BIRC6: variants seen among roughly 807,000 people sequenced by gnomAD.
BIRC6 encodes dual E2 ubiquitin-conjugating enzyme/E3 ubiquitin-protein ligase BIRC6.
BIRC6 carries 98 observed loss-of-function variants against 503.3 expected under a neutral mutation model. The ratio of observed to expected loss-of-function variants is 0.19; its 90% CI spans 0.17 to 0.23. The LOEUF (loss-of-function observed/expected upper bound fraction) is 0.23. BIRC6 is among the 10% of genes least tolerant of loss of function. The pLI, the probability that BIRC6 is intolerant of heterozygous loss-of-function variation, is 1.00. For synonymous variants in BIRC6, 2,240 were observed against 2,078.7 expected (o/e 1.08, Z -2.11); for missense variants, 5,360 against 5,806.0 (o/e 0.92, Z 2.50).
At chr2:32,566,821 A>C (rs759369156) in intron 65 of BIRC6, among the ~76,000 whole-genome samples, 25 of 152,194 alleles carry the variant, frequency 1.6e-4, no homozygotes, top group Non-Finnish European at 8.8e-5. Flanking sequence ...TCTATTTTAC[A>C]GTTGATTGTT....
chr2:32,390,646 A>G (rs566016868), intron 4 of BIRC6, among the ~76,000 whole-genome samples: 1 of 152,278 alleles, frequency 6.6e-6, no homozygotes, highest in Non-Finnish European at 1.5e-5. Context: ...TTTTCATTGG[A>G]TGTGACTTGT....
At chr2:32,560,867 CT>C (rs879409444) in intron 65 of BIRC6, among the ~76,000 whole-genome samples, 147 of 145,522 alleles carry the variant, frequency 1.0e-3, no homozygotes, top group Non-Finnish European at 1.6e-3. Flanking sequence ...CTGTGCCCGA[CT>C]TTTTTTTTTT....
intron 72 of BIRC6, 27 bp downstream of exon 72, chr2:32,607,670 CT>C: frequency 6.4e-7 from 1 of 1,563,252 alleles, no homozygotes; most frequent in Non-Finnish European, 8.7e-7. Flanking sequence ...TAGTGAAATA[CT>C]TTGTTAAAGA....
chr2:32,449,087 T>C (rs2046394715), intron 22 of BIRC6, 159 bp downstream of exon 22: 1 of 609,140 alleles, frequency 1.6e-6, no homozygotes, highest in East Asian at 3.1e-5. Flanking sequence ...TAGAAGTTCT[T>C]AACTTCCTCT....
chr2:32,415,191 A>C lies in BIRC6; in HGVS notation c.1900A>C (p.Ser634Arg). The change falls in exon 10 of 74, where the codon AGC becomes CGC. Residue 634 changes from serine to arginine, a missense_variant. Physicochemically the swap from Ser to Arg is moderately radical, Grantham distance 110. Coordinates refer to ENST00000421745, the MANE Select transcript of BIRC6 (RefSeq NM_016252.4). ...GACTTTACCGGTTTTGCTTCTTTAT[A>C]GCATCAAGGAATCTGATGAGAAAGC... is the stretch of plus-strand genomic sequence containing the variant. ...RRTLPVLLLYSIKESDEKAGK... is the reference protein window; with the variant it reads ...RRTLPVLLLYRIKESDEKAGK... The C allele has an allele frequency of 6.2e-7, 1 of 1,614,002 alleles. No homozygotes were observed. The highest frequency in any genetic ancestry group is 1.3e-5 in the African/African-American group (1 of 75,056).
chr2:32,500,682 T>C (rs542151547), intron 46 of BIRC6, among the ~76,000 whole-genome samples: 1 of 148,908 alleles, frequency 6.7e-6, no homozygotes, highest in East Asian at 2.0e-4. Context: ...CTCGGTTCAT[T>C]GCAACCTCCG....
intron 23 of BIRC6, among the ~76,000 whole-genome samples, chr2:32,455,369 ACT>A (rs1472137962): frequency 7.7e-6 from 1 of 129,394 alleles, no homozygotes; most frequent in Non-Finnish European, 1.6e-5. Context: ...AAACAGCAAG[ACT>A]CTGTCTCCAA....
intron 1 of BIRC6, among the ~76,000 whole-genome samples, chr2:32,375,728 A>G (rs1289268891): frequency 7.2e-6 from 1 of 138,856 alleles, no homozygotes; most frequent in Admixed American, 7.5e-5. Flanking sequence ...CCGTAAATGT[A>G]TTTTCTTTCT....
In BIRC6 at chr2:32,441,248, T is replaced by C. The variant is rs1574229571; in HGVS notation, c.3811-81T>C. The C allele has an allele frequency of 3.8e-6, 4 of 1,051,594 alleles. No homozygotes were observed. In the East Asian group the frequency reaches 7.9e-5, roughly 21 times the overall value. 65.1% of individuals were successfully genotyped at this position (1,051,594 alleles called of 1,614,324 possible). On this transcript the variant is annotated intron_variant, in intron 16 of 73. Transcript: ENST00000421745. ...TTTGATGGCCACAATTCAGTTATTT[T>C]CCTTTATTTTATAACTTCAATGGTA...
intron 3 of BIRC6, among the ~76,000 whole-genome samples, chr2:32,383,894 G>A (rs762964521): frequency 1.1e-3 from 174 of 152,134 alleles, no homozygotes; most frequent in Admixed American, 2.5e-3. Flanking sequence ...AAGTACTAAG[G>A]GGCATCCTAG....
chr2:32,413,800 A>G (rs1574039506), intron 9 of BIRC6, among the ~76,000 whole-genome samples: 1 of 151,996 alleles, frequency 6.6e-6, no homozygotes, highest in Non-Finnish European at 1.5e-5. Context: ...AGTCCCTTGT[A>G]TAAAATGGTA....
At chr2:32,368,839 A>G (rs985154644) in intron 1 of BIRC6, among the ~76,000 whole-genome samples, 3 of 152,080 alleles carry the variant, frequency 2.0e-5, no homozygotes, top group African/African-American at 7.2e-5. Flanking sequence ...TTTAATAGAG[A>G]CAAGGTTTCA....
At chr2:32,513,364 T>C (rs2054633789) in intron 54 of BIRC6, among the ~76,000 whole-genome samples, 1 of 152,252 alleles carries the variant, frequency 6.6e-6, no homozygotes, top group African/African-American at 2.4e-5. Context: ...GCCTTCTTTT[T>C]TTTAACCTAA....
intron 65 of BIRC6, among the ~76,000 whole-genome samples, chr2:32,568,550 G>GT (rs2059695004): frequency 6.7e-6 from 1 of 149,374 alleles, no homozygotes; most frequent in African/African-American, 2.5e-5. Context: ...TTTTTTAGAA[G>GT]TTCACCTTTT....
At chr2:32,594,938 C>T in intron 67 of BIRC6, 96 bp from the exon 68 acceptor site, 2 of 739,098 alleles carry the variant, frequency 2.7e-6, no homozygotes, top group Non-Finnish European at 2.0e-6. Context: ...TTGGAATTCA[C>T]AATTTGAACT....
At chr2:32,446,738 G>GTTTTTTTTTTTTTTT (rs58232090) in intron 21 of BIRC6, among the ~76,000 whole-genome samples, 2 of 34,836 alleles carry the variant, frequency 5.7e-5, no homozygotes, top group East Asian at 1.4e-3. Flanking sequence ...CCTCTGCGCT[G>GTTTTTTTTTTTTTTT]TTTTTTTTTT....
intron 23 of BIRC6, among the ~76,000 whole-genome samples, chr2:32,456,024 C>T (rs1003107378): frequency 2.6e-5 from 4 of 152,154 alleles, no homozygotes; most frequent in Non-Finnish European, 5.9e-5. Flanking sequence ...AATTGCATAG[C>T]TCGGCAGTTT....
At chr2:32,400,670 A>G (rs1255303761) in intron 6 of BIRC6, among the ~76,000 whole-genome samples, 1 of 152,192 alleles carries the variant, frequency 6.6e-6, no homozygotes, top group Non-Finnish European at 1.5e-5. Flanking sequence ...CTTTTTAGTA[A>G]AATAATTTAG....
intron 65 of BIRC6, among the ~76,000 whole-genome samples, chr2:32,570,580 C>T (rs2059847285): frequency 6.6e-6 from 1 of 152,072 alleles, no homozygotes. Flanking sequence ...CTCACTGCAA[C>T]CTCCACTTTC....
Sources: allele counts gnomAD v4.1 joint callset (sites outside exome capture counted in the v4.1 genomes callset), GRCh38; gene constraint gnomAD v4.1.1; transcripts MANE v1.5; gene names NCBI Gene and HGNC (gene_info 2026-07-23, HGNC 2026-07-21).